LINGO1: variants seen among roughly 807,000 people sequenced by gnomAD.
The protein encoded by LINGO1 is leucine rich repeat and Ig domain containing 1, also known as leucine-rich repeat and immunoglobulin-like domain-containing nogo receptor-interacting protein 1.
Under a neutral mutation model 37.3 loss-of-function variants are expected in LINGO1, and 11 were observed. That is an observed-to-expected ratio of 0.29 (90% CI 0.19 to 0.49). LINGO1 has a LOEUF of 0.49. Ranked by LOEUF, LINGO1 falls within the 20% of genes least tolerant of loss-of-function variation. The probability of loss-of-function intolerance (pLI) is 0.99; values close to 1 mark genes in which losing one functional copy is unlikely to be tolerated. For synonymous variants in LINGO1, 387 were observed against 403.0 expected (o/e 0.96, Z 0.48); for missense variants, 585 against 878.2 (o/e 0.67, Z 4.22).
Position 77,615,415 on chromosome 15 carries a change from C to T in LINGO1, c.492G>A (p.Gln164=). ...CCAGTGACTTGAGGTTGTACAGGTC[C>T]TGAAACATGTAGTCCAGTAGGATAA... ...KIVILLDYMF[Q]DLYNLKSLEV... Residue 164 remains glutamine (Q), a synonymous_variant, in exon 2 of 2, where the codon CAG becomes CAA. Coordinates refer to ENST00000355300, the MANE Select transcript of LINGO1 (RefSeq NM_032808.7). 1 of 1,614,036 alleles carries T rather than the reference C, an allele frequency of 6.2e-7. No individual in the cohort carries two copies. The highest frequency in any genetic ancestry group is 8.5e-7 in the Non-Finnish European group (1 of 1,179,902).
chr15:77,782,085 C>G (rs1463969591), intron 1 of LINGO1, among the ~76,000 whole-genome samples: 1 of 152,194 alleles, frequency 6.6e-6, no homozygotes, highest in East Asian at 1.9e-4. Flanking sequence ...CAATTTGCTC[C>G]TGGGGAAAAT....
At chr15:77,669,006 G>C (rs1379871911) in intron 3 of LINGO1, among the ~76,000 whole-genome samples, 3 of 152,262 alleles carry the variant, frequency 2.0e-5, no homozygotes, top group Non-Finnish European at 2.9e-5. Flanking sequence ...AGCGTGGCCT[G>C]AATATTTCAC....
intron 1 of LINGO1, among the ~76,000 whole-genome samples, chr15:77,765,405 A>T (rs1382156716): frequency 6.7e-6 from 1 of 150,010 alleles, no homozygotes; most frequent in Non-Finnish European, 1.5e-5. Flanking sequence ...ACAGAGCGAG[A>T]CTGTGTCTCA....
At chr15:77,758,916 C>T (rs1442626667) in intron 1 of LINGO1, among the ~76,000 whole-genome samples, 2 of 152,026 alleles carry the variant, frequency 1.3e-5, no homozygotes, top group African/African-American at 2.4e-5. Context: ...CAGTGCTATC[C>T]CCACTTCAGC....
At chr15:77,711,372 A>G (rs953804917) in intron 2 of LINGO1, among the ~76,000 whole-genome samples, 12 of 152,342 alleles carry the variant, frequency 7.9e-5, no homozygotes, top group South Asian at 4.1e-4. Flanking sequence ...AGACTGGCCG[A>G]TAACGAAGAT....
chr15:77,646,398 T>C (rs1305681583), intron 3 of LINGO1: 1 of 454,790 alleles, frequency 2.2e-6, no homozygotes, highest in Non-Finnish European at 4.4e-6. Flanking sequence ...GACACCCCTC[T>C]GTCATGGTGA....
intron 1 of LINGO1, among the ~76,000 whole-genome samples, chr15:77,736,092 A>T (rs2076201359): frequency 1.3e-5 from 2 of 152,236 alleles, no homozygotes; most frequent in Non-Finnish European, 2.9e-5. Flanking sequence ...TCTGTAGAGT[A>T]AACACTCTCA....
At chr15:77,620,160 G>A (rs992509565) in intron 1 of LINGO1, among the ~76,000 whole-genome samples, 1 of 152,250 alleles carries the variant, frequency 6.6e-6, no homozygotes, top group Non-Finnish European at 1.5e-5. Flanking sequence ...TCAAGAAAAG[G>A]TATTTTATGC....
At chr15:77,700,650 CAA>C (rs1263838025), upstream of LINGO1, among the ~76,000 whole-genome samples, 1 of 152,112 alleles carries the variant, frequency 6.6e-6, no homozygotes, top group Non-Finnish European at 1.5e-5. Flanking sequence ...TACCAGTGGT[CAA>C]AGTCTCCGAG....
chr15:77,817,437 T>C (rs987892469), intron 1 of LINGO1, among the ~76,000 whole-genome samples: 2 of 152,066 alleles, frequency 1.3e-5, no homozygotes, highest in African/African-American at 2.4e-5. Context: ...GGACCCAGCA[T>C]AGAGTGCCAG....
intron 1 of LINGO1, among the ~76,000 whole-genome samples, chr15:77,741,408 G>T (rs2076262966): frequency 6.6e-6 from 1 of 152,128 alleles, no homozygotes; most frequent in Non-Finnish European, 1.5e-5. Flanking sequence ...TCTGCCTTTG[G>T]GCCCTGAGGA....
chr15:77,762,891 G>A (rs1228802934), intron 1 of LINGO1, among the ~76,000 whole-genome samples: 1 of 152,146 alleles, frequency 6.6e-6, no homozygotes, highest in Admixed American at 6.6e-5. Context: ...ACAGGGCAGG[G>A]AGCTCCCTAA....
At position 77,615,238 on chromosome 15, in the gene LINGO1, C is replaced by T. The variant is rs2073665155; in HGVS notation, c.669G>A (p.Arg223=). 6.2e-7 allele frequency: 1 copy of T among 1,613,778 alleles called. No homozygotes were observed. The highest frequency in any genetic ancestry group is 8.5e-7 in the Non-Finnish European group (1 of 1,179,876). ...CCCGGATGGCATTGATGTTGAGGTG[C>T]CGGAGCCTCAGGACGATGAGGCCGT... ...HLHGLIVLRL[R]HLNINAIRDY... is the part of the protein sequence containing the mutation. The change falls in exon 2 of 2, where the codon CGG becomes CGA. Residue 223 remains arginine (R), a synonymous_variant. Coordinates refer to ENST00000355300, the MANE Select transcript of LINGO1 (RefSeq NM_032808.7).
At chr15:77,703,262 TGGG>T (rs1410487902) in intron 2 of LINGO1, among the ~76,000 whole-genome samples, 1 of 152,090 alleles carries the variant, frequency 6.6e-6, no homozygotes, top group Non-Finnish European at 1.5e-5. Context: ...GACTCACAAA[TGGG>T]GGGATTCTTG....
At chr15:77,752,601 T>C (rs752595829) in intron 1 of LINGO1, among the ~76,000 whole-genome samples, 2 of 152,190 alleles carry the variant, frequency 1.3e-5, no homozygotes, top group Non-Finnish European at 2.9e-5. Context: ...AAAGGCCCCA[T>C]AGACAACCAC....
intron 1 of LINGO1, among the ~76,000 whole-genome samples, chr15:77,735,988 G>A (rs1439438388): frequency 6.6e-6 from 1 of 152,192 alleles, no homozygotes; most frequent in Non-Finnish European, 1.5e-5. Flanking sequence ...CCTAAAAGAG[G>A]TGAAGACCTA....
chr15:77,769,825 C>T (rs764763901), intron 1 of LINGO1, among the ~76,000 whole-genome samples: 2 of 152,152 alleles, frequency 1.3e-5, no homozygotes, highest in Non-Finnish European at 2.9e-5. Context: ...TCTCCCGGTG[C>T]GGGTACCTCA....
chr15:77,652,483 A>AGAGTGTGT (rs1555525720), intron 3 of LINGO1, among the ~76,000 whole-genome samples: 4 of 128,876 alleles, frequency 3.1e-5, no homozygotes, highest in South Asian at 2.8e-4. Flanking sequence ...GGGGAGGGAG[A>AGAGTGTGT]GTGTGTGTGT....
At chr15:77,681,751 A>G (rs1274386629) in intron 2 of LINGO1, among the ~76,000 whole-genome samples, 5 of 152,138 alleles carry the variant, frequency 3.3e-5, no homozygotes, top group Middle Eastern at 3.4e-3. Context: ...GAATGAGGGG[A>G]CAGGTGGAGG....
Sources: gnomAD v4.1 joint callset for allele counts (sites outside exome capture counted in the v4.1 genomes callset) on GRCh38, gnomAD v4.1.1 for gene constraint, MANE v1.5 for transcripts, NCBI Gene and HGNC (gene_info 2026-07-23, HGNC 2026-07-21) for gene names.